The following SYNPR variants were observed in gnomAD, a reference collection of about 807,000 sequenced individuals.
SYNPR encodes the protein synaptoporin.
A neutral mutation model predicts 32.9 loss-of-function variants in SYNPR; 23 were observed. That is an observed-to-expected ratio of 0.70 (90% CI 0.50 to 0.99). The LOEUF (loss-of-function observed/expected upper bound fraction) is 0.99. Among genes scored for constraint, SYNPR ranks in the 50% least tolerant of loss-of-function variants. SYNPR has a pLI of 0.00. For synonymous variants in SYNPR, 146 were observed against 135.9 expected (o/e 1.07, Z -0.52); for missense variants, 318 against 349.3 (o/e 0.91, Z 0.71).
chr3:63,308,551 T>C (rs910809200), intron 2 of SYNPR, among the ~76,000 whole-genome samples: 1 of 151,894 alleles, frequency 6.6e-6, no homozygotes, highest in Admixed American at 6.6e-5. Flanking sequence ...GTCTATGTCA[T>C]CTTTGTTTTC....
chr3:63,409,657 G>A (rs2088435687), intron 2 of SYNPR, among the ~76,000 whole-genome samples: 2 of 152,108 alleles, frequency 1.3e-5, no homozygotes, highest in South Asian at 4.1e-4. Context: ...TGTATTGAAT[G>A]TTTACTATGT....
At chr3:63,594,982 A>T (rs1240457726) in intron 4 of SYNPR, among the ~76,000 whole-genome samples, 1 of 152,174 alleles carries the variant, frequency 6.6e-6, no homozygotes, top group African/African-American at 2.4e-5. Context: ...TGGAGAAAAC[A>T]CACAGACCCC....
At chr3:63,409,052 C>T (rs1239218503) in intron 2 of SYNPR, among the ~76,000 whole-genome samples, 2 of 152,056 alleles carry the variant, frequency 1.3e-5, no homozygotes, top group Non-Finnish European at 2.9e-5. Context: ...CTTGTCCTGA[C>T]TCCCTAAAGA....
chr3:63,323,019 A>G (rs2087127744), intron 2 of SYNPR, among the ~76,000 whole-genome samples: 1 of 152,040 alleles, frequency 6.6e-6, no homozygotes, highest in Non-Finnish European at 1.5e-5. Flanking sequence ...ATAAGAGTAG[A>G]AGATAAGACT....
chr3:63,427,747 G>C (rs957894222), intron 2 of SYNPR, among the ~76,000 whole-genome samples: 2 of 152,200 alleles, frequency 1.3e-5, no homozygotes, highest in Admixed American at 1.3e-4. Flanking sequence ...CTCAAACCCA[G>C]ATCTACTGGA....
chr3:63,472,659 C>G (rs1365267874), intron 2 of SYNPR, among the ~76,000 whole-genome samples: 2 of 152,130 alleles, frequency 1.3e-5, no homozygotes, highest in African/African-American at 4.8e-5. Flanking sequence ...AAGCATGGTC[C>G]TGTTGGCAAA....
At chr3:63,412,233 G>T (rs78133151) in intron 2 of SYNPR, among the ~76,000 whole-genome samples, 2 of 152,152 alleles carry the variant, frequency 1.3e-5, no homozygotes, top group East Asian at 1.9e-4. Flanking sequence ...CACATGCTGA[G>T]ACTGGGGTGT....
At chr3:63,339,936 C>T (rs1477933567) in intron 2 of SYNPR, among the ~76,000 whole-genome samples, 1 of 152,194 alleles carries the variant, frequency 6.6e-6, no homozygotes, top group Non-Finnish European at 1.5e-5. Flanking sequence ...GAATTAGAGG[C>T]GTGAGCCACC....
At chr3:63,404,691 T>C (rs982494611) in intron 2 of SYNPR, among the ~76,000 whole-genome samples, 1 of 152,164 alleles carries the variant, frequency 6.6e-6, no homozygotes, top group Non-Finnish European at 1.5e-5. Context: ...TATATTTATT[T>C]TCAAGTAAAA....
At chr3:63,570,185 AAGAGTTGGCACACTT>A (rs1702861452) in intron 4 of SYNPR, among the ~76,000 whole-genome samples, 1 of 152,180 alleles carries the variant, frequency 6.6e-6, no homozygotes, top group African/African-American at 2.4e-5. Flanking sequence ...CTCATGCATT[AAGAGTTGGCACACTT>A]AGGGGAACAG....
chr3:63,345,950 G>A (rs1222008099), intron 2 of SYNPR, among the ~76,000 whole-genome samples: 3 of 152,146 alleles, frequency 2.0e-5, no homozygotes, highest in African/African-American at 7.2e-5. Context: ...AAGTAGCTGG[G>A]ATTACAGGCA....
chr3:63,610,677 T>C, intron 5 of SYNPR: 2 of 455,364 alleles, frequency 4.4e-6, no homozygotes, highest in Non-Finnish European at 7.9e-6. Context: ...TATACTTCTG[T>C]AGTTTGTTTA....
At position 63,616,672 on chromosome 3, in the gene SYNPR, T is replaced by C. The variant is rs1700282652; in HGVS notation, c.*1191T>C. The C allele has an allele frequency of 6.6e-6, 1 of 152,622 alleles. No individual in the cohort carries two copies. The allele number at this position is 152,622 out of a possible 1,614,324, so 9.5% of individuals were successfully genotyped here. On this transcript the variant is annotated 3_prime_UTR_variant, in exon 6 of 6. Transcript: ENST00000478300. ...GAATGTATTCATTATCAAGAAAATGTCAATCGTCACTTCCTCGTTTTAACT... is the reference window on the plus strand; with the variant it reads ...GAATGTATTCATTATCAAGAAAATGCCAATCGTCACTTCCTCGTTTTAACT...
chr3:63,307,153 G>A (rs2086917174), intron 2 of SYNPR, among the ~76,000 whole-genome samples: 1 of 151,920 alleles, frequency 6.6e-6, no homozygotes, highest in South Asian at 2.1e-4. Context: ...TCCAGAAGAG[G>A]AGATAGAATT....
At chr3:63,370,120 A>G (rs2087777232) in intron 2 of SYNPR, among the ~76,000 whole-genome samples, 1 of 152,146 alleles carries the variant, frequency 6.6e-6, no homozygotes, top group African/African-American at 2.4e-5. Flanking sequence ...ATAATCAGCA[A>G]GCAGCTAGAC....
At chr3:63,420,927 C>T (rs1693602192) in intron 2 of SYNPR, among the ~76,000 whole-genome samples, 1 of 152,136 alleles carries the variant, frequency 6.6e-6, no homozygotes, top group African/African-American at 2.4e-5. Flanking sequence ...GCCTCCCAGG[C>T]TGGAGTGCAG....
intron 2 of SYNPR, chr3:63,443,133 G>A (rs970703794): frequency 1.7e-6 from 2 of 1,149,596 alleles, no homozygotes. Context: ...AGCTCACCAT[G>A]GTGGCAGCCA....
intron 4 of SYNPR, among the ~76,000 whole-genome samples, chr3:63,596,895 G>C (rs2106886253): frequency 6.6e-6 from 1 of 151,390 alleles, no homozygotes; most frequent in Middle Eastern, 3.4e-3. Context: ...CTAGTAACAT[G>C]TGGTTATTGA....
intron 4 of SYNPR, among the ~76,000 whole-genome samples, chr3:63,557,670 G>A (rs1420545842): frequency 1.3e-5 from 2 of 152,076 alleles, no homozygotes; most frequent in East Asian, 3.9e-4. Context: ...ATAATTTTCG[G>A]TGACATGTTA....
Sources: gnomAD v4.1 joint callset for allele counts (sites outside exome capture counted in the v4.1 genomes callset) on GRCh38, gnomAD v4.1.1 for gene constraint, MANE v1.5 for transcripts, NCBI Gene and HGNC (gene_info 2026-07-23, HGNC 2026-07-21) for gene names.